The following KRT26 variants were observed in gnomAD, a reference collection of about 807,000 sequenced individuals.
KRT26 encodes keratin, type I cytoskeletal 26.
Under a neutral mutation model 46.1 loss-of-function variants are expected in KRT26, and 45 were observed. That is an observed-to-expected ratio of 0.98 (90% CI 0.77 to 1.25). KRT26 has a LOEUF of 1.25. Among genes scored for constraint, KRT26 ranks in the 50% most tolerant of loss-of-function variants. The pLI, the probability that KRT26 is intolerant of heterozygous loss-of-function variation, is 0.00. For synonymous variants in KRT26, 191 were observed against 209.9 expected (o/e 0.91, Z 0.78); for missense variants, 582 against 560.1 (o/e 1.04, Z -0.39).
chr17:40,770,256 C>T (rs1165806979), exon 3 of KRT26: 2 of 1,614,146 alleles, frequency 1.2e-6, no homozygotes, highest in Non-Finnish European at 1.7e-6. Flanking sequence ...TCCTTACCTC[C>T]TCATGACTTT....
At chr17:40,766,274 G>T in exon 8 of KRT26, 1 of 327,256 alleles carries the variant, frequency 3.1e-6, no homozygotes, top group Non-Finnish European at 5.5e-6. Flanking sequence ...TGTCAAAAAA[G>T]GCCCCCAAAA....
At chr17:40,766,434 G>A in exon 8 of KRT26, 1 of 1,219,350 alleles carries the variant, frequency 8.2e-7, no homozygotes, top group Non-Finnish European at 1.1e-6. Context: ...TGACCAGTAG[G>A]ATTTTTGCAA....
intron 7 of KRT26, 46 bp downstream of exon 7, chr17:40,767,540 G>T (rs768571212): frequency 1.8e-6 from 2 of 1,124,504 alleles, no homozygotes; most frequent in Non-Finnish European, 2.6e-6. Flanking sequence ...TAACACAATT[G>T]ATGGAGTTTA....
At chr17:40,771,610 CTCT>C in intron 1 of KRT26, 60 bp downstream of exon 1, 1 of 1,434,692 alleles carries the variant, frequency 7.0e-7, no homozygotes, top group Non-Finnish European at 9.5e-7. Flanking sequence ...TTTATATTTT[CTCT>C]TCTTTAAATT....
At chr17:40,768,001 A>G (rs1230562586) in intron 6 of KRT26, among the ~76,000 whole-genome samples, 1 of 152,242 alleles carries the variant, frequency 6.6e-6, no homozygotes, top group Non-Finnish European at 1.5e-5. Flanking sequence ...GAACCAAGAC[A>G]CAGTTTTTAC....
chr17:40,771,120 T>C, intron 2 of KRT26, 34 bp downstream of exon 2: 5 of 1,262,040 alleles, frequency 4.0e-6, no homozygotes, highest in Non-Finnish European at 5.5e-6. Context: ...TTTTAACTTT[T>C]ATTAATATAA....
intron 1 of KRT26, 33 bp downstream of exon 1, chr17:40,771,640 T>C (rs2038221643): frequency 6.5e-7 from 1 of 1,532,634 alleles, no homozygotes; most frequent in Non-Finnish European, 8.9e-7. Flanking sequence ...ACACAAAGTC[T>C]GTAGTAAAAG....
At chr17:40,771,835 G>C (rs758748510) in exon 1 of KRT26, 2 of 1,613,174 alleles carry the variant, frequency 1.2e-6, no homozygotes, top group South Asian at 2.2e-5. Context: ...AGGATGCCAG[G>C]CGGTCGTTGA....
At chr17:40,771,621 A>AT in intron 1 of KRT26, 52 bp downstream of exon 1, 1 of 1,478,586 alleles carries the variant, frequency 6.8e-7, no homozygotes, top group Non-Finnish European at 9.2e-7. Flanking sequence ...TCTTCTTTAA[A>AT]TTATCAACAC....
At chr17:40,769,667 C>A in intron 5 of KRT26, 87 bp downstream of exon 5, 1 of 1,345,840 alleles carries the variant, frequency 7.4e-7, no homozygotes. Flanking sequence ...AATGGTTATA[C>A]GTACTTGGTG....
exon 8 of KRT26, chr17:40,766,656 T>C: frequency 6.2e-7 from 1 of 1,610,452 alleles, no homozygotes. Flanking sequence ...CAATAGTTTC[T>C]TCTGTTGAGT....
At chr17:40,768,358 A>C (rs2038187796) in intron 6 of KRT26, among the ~76,000 whole-genome samples, 1 of 152,236 alleles carries the variant, frequency 6.6e-6, no homozygotes, top group Non-Finnish European at 1.5e-5. Flanking sequence ...TCAACGAGGA[A>C]ACTGCATTTG....
At chr17:40,770,461 C>T (rs770072203) in intron 2 of KRT26, 52 bp from the exon 3 acceptor site, 1 of 1,448,114 alleles carries the variant, frequency 6.9e-7, no homozygotes, top group South Asian at 1.3e-5. Flanking sequence ...AGGTGCAAAG[C>T]ACAACTTTTT....
At position 40,771,936 on chromosome 17, in the gene KRT26, C is replaced by G. The variant is rs374562539; in HGVS notation, c.178G>C (p.Gly60Arg). Residue 60 changes from glycine (G) to arginine (R), a missense_variant, in exon 1 of 8, where the codon GGT becomes CGT. Gly to Arg is a moderately radical substitution (Grantham distance 125). Coordinates refer to ENST00000335552, the Ensembl canonical transcript of KRT26. ...CAGGCACCACTTCCCAACCCTCCAC[C>G]GCTATTGCAGAAGCTTCCTCCAGAA... 1.9e-6 allele frequency: 3 copies of G among 1,614,176 alleles called. No homozygotes were observed. In the Admixed American group the frequency reaches 5.0e-5, roughly 27 times the overall value.
Position 40,769,736 on chromosome 17 carries a change from A to T in KRT26, c.969+18T>A. The T allele has an allele frequency of 6.2e-7, 1 of 1,613,964 alleles. No individual in the cohort carries two copies. The highest frequency in any genetic ancestry group is 8.5e-7 in the Non-Finnish European group (1 of 1,179,862). On this transcript the variant is annotated intron_variant, in intron 5 of 7. Transcript: ENST00000335552. The stretch of plus-strand genomic sequence containing the variant: ...CATATTCACACATATATTCAATTCA[A>T]TGGCGATTCCTACGTACCACAGCCA...
chr17:40,769,139 A>G (rs1261999135), intron 5 of KRT26, 43 bp from the exon 6 acceptor site: 1 of 1,231,160 alleles, frequency 8.1e-7, no homozygotes, highest in African/African-American at 1.5e-5. Context: ...TAAAAGAGAA[A>G]TGGCATGGTC....
exon 4 of KRT26, chr17:40,769,986 T>C (rs2038207144): frequency 6.2e-7 from 1 of 1,614,072 alleles, no homozygotes; most frequent in Admixed American, 1.7e-5. Flanking sequence ...GGCTTCAGCA[T>C]CTTTGCGGTT....
chr17:40,771,344 T>A, intron 1 of KRT26, 108 bp from the exon 2 acceptor site: 1 of 639,618 alleles, frequency 1.6e-6, no homozygotes, highest in Non-Finnish European at 2.7e-6. Flanking sequence ...TGTTTTAGTA[T>A]CTTTTTTCTA....
chr17:40,771,908 G>C, exon 1 of KRT26: 4 of 1,614,114 alleles, frequency 2.5e-6, no homozygotes, highest in Non-Finnish European at 3.4e-6. Context: ...AAGAAAACCA[G>C]CACAGGCACC....
Sources: allele counts gnomAD v4.1 joint callset (sites outside exome capture counted in the v4.1 genomes callset), GRCh38; gene constraint gnomAD v4.1.1; transcripts MANE v1.5; gene names NCBI Gene and HGNC (gene_info 2026-07-23, HGNC 2026-07-21).